CRYBA4: variants seen among roughly 807,000 people sequenced by gnomAD.
CRYBA4 encodes the protein crystallin beta A4.
Under a neutral mutation model 31.7 loss-of-function variants are expected in CRYBA4, and 30 were observed. The observed-to-expected ratio is 0.95, with a 90% CI of 0.71 to 1.28. CRYBA4 has a LOEUF of 1.28. Ranked by LOEUF, CRYBA4 falls within the 50% of genes most tolerant of loss-of-function variation. The pLI, the probability that CRYBA4 is intolerant of heterozygous loss-of-function variation, is 0.00. For missense variants in CRYBA4, 225 were observed against 260.7 expected (o/e 0.86, Z 0.94); for synonymous variants, 102 against 102.3 (o/e 1.00, Z 0.02).
rs1602344631 is a variant in CRYBA4, at chr22:26,630,588, T to G, written c.*101T>G. 11 of 1,035,172 alleles carry G rather than the reference T, an allele frequency of 1.1e-5. No homozygotes were observed. The East Asian group carries it at 2.6e-4, about 24-fold the overall frequency. The allele number at this position is 1,035,172 out of a possible 1,614,324, so 64.1% of individuals were successfully genotyped here. A position where few individuals can be genotyped will look rare whatever the true frequency, so the allele number is the denominator to read the frequency against. ...TCCTTCTGCCTCCCCCTGTAACCTG[T>G]GTGAACCCAGCACCCATGTGAACTG... On this transcript the variant is annotated 3_prime_UTR_variant, in exon 6 of 6. Coordinates refer to ENST00000354760, the MANE Select transcript of CRYBA4 (RefSeq NM_001886.3).
At chr22:26,602,804 T>C in the CRYBA4 span, among the ~76,000 whole-genome samples, 16 of 152,068 alleles carry the variant, frequency 1.1e-4, no homozygotes, top group Middle Eastern at 3.4e-3. Flanking sequence ...ACGTGGAACA[T>C]TGGTGGAACA....
intron 5 of CRYBA4, among the ~76,000 whole-genome samples, chr22:26,629,734 C>CAAAAAAAAGAAA (rs1929862983): frequency 1.2e-5 from 1 of 80,600 alleles, no homozygotes; most frequent in Non-Finnish European, 2.6e-5. Context: ...GACTCTGTCT[C>CAAAAAAAAGAAA]AAAAAAAAAA....
At chr22:26,621,789 A>C (rs1929540640), upstream of CRYBA4, among the ~76,000 whole-genome samples, 1 of 152,038 alleles carries the variant, frequency 6.6e-6, no homozygotes, top group African/African-American at 2.4e-5. Flanking sequence ...GGGGGTGGTG[A>C]TCTGGTCCTT....
chr22:26,610,896 C>G, the CRYBA4 span, among the ~76,000 whole-genome samples: 2 of 152,258 alleles, frequency 1.3e-5, no homozygotes, highest in African/African-American at 2.4e-5. Context: ...AAGCTCATCT[C>G]GGAATGGGCT....
intron 4 of CRYBA4, 75 bp from the exon 5 acceptor site, chr22:26,628,213 G>T: frequency 6.2e-7 from 1 of 1,603,830 alleles, no homozygotes; most frequent in Non-Finnish European, 8.5e-7. Flanking sequence ...AGGGCAGGGA[G>T]TGTGGAGGCC....
chr22:26,616,807 T>G, the CRYBA4 span, among the ~76,000 whole-genome samples: 1 of 152,178 alleles, frequency 6.6e-6, no homozygotes, highest in Non-Finnish European at 1.5e-5. Context: ...TGATCCCCTC[T>G]GAGCAGCAGG....
At chr22:26,602,041 G>A in the CRYBA4 span, 13 of 1,612,804 alleles carry the variant, frequency 8.1e-6, no homozygotes, top group Non-Finnish European at 1.0e-5. Context: ...GAGAGGCCGG[G>A]TCAGGTGTGT....
the CRYBA4 span, chr22:26,599,562 C>T: frequency 6.2e-7 from 1 of 1,614,106 alleles, no homozygotes; most frequent in Non-Finnish European, 8.5e-7. Context: ...GCAGGCGACG[C>T]AGGGACTGCA....
At chr22:26,629,478 A>G (rs531505468) in intron 5 of CRYBA4, among the ~76,000 whole-genome samples, 77 of 152,156 alleles carry the variant, frequency 5.1e-4, no homozygotes, top group African/African-American at 1.8e-3. Flanking sequence ...ACGGTGGCTC[A>G]CGCCTGTAAT....
chr22:26,629,532 AG>A (rs1223699221), intron 5 of CRYBA4, among the ~76,000 whole-genome samples: 1 of 152,008 alleles, frequency 6.6e-6, no homozygotes, highest in Admixed American at 6.5e-5. Context: ...ACCTGAGGTC[AG>A]GAGTTCGAGA....
chr22:26,602,429 AT>A, the CRYBA4 span, among the ~76,000 whole-genome samples: 2 of 149,846 alleles, frequency 1.3e-5, no homozygotes, highest in Non-Finnish European at 3.0e-5. Flanking sequence ...CAAAAAAATA[AT>A]TTTTTTTTTA....
At chr22:26,618,093 CA>C (rs1399015360), upstream of CRYBA4, 1 of 153,162 alleles carries the variant, frequency 6.5e-6, no homozygotes, top group African/African-American at 2.4e-5. Context: ...GTCTGTGGCA[CA>C]AAGGGGAAGC....
In CRYBA4 at chr22:26,628,430, C is replaced by A. The variant is rs765296550; in HGVS notation, c.443C>A (p.Ala148Asp). 3.7e-6 allele frequency: 6 copies of A among 1,613,962 alleles called. 1 individual carries two copies. In the South Asian group the frequency reaches 5.5e-5, roughly 15 times the overall value. The change falls in exon 5 of 6, where the codon GCC (alanine) becomes GAC (aspartate). Residue 148 changes from alanine (A) to aspartate (D), a missense_variant and splice_region_variant. Ala to Asp is a moderately radical substitution (Grantham distance 126, BLOSUM62 -2). Transcript: ENST00000354760. ...GGGTCCTTCCACGTCCACTCTGGGG[C>A]GTAAGTGTATTCAAGGCTCTACCTG... The part of the protein sequence containing the change: ...EVGSFHVHSG[A>D]WVCSQFPGYR...
At chr22:26,599,866 T>C in the CRYBA4 span, among the ~76,000 whole-genome samples, 7 of 152,334 alleles carry the variant, frequency 4.6e-5, no homozygotes, top group Admixed American at 1.3e-4. Flanking sequence ...TCGGTTTCCT[T>C]TTCTAGGAAG....
the CRYBA4 span, chr22:26,612,143 G>A: frequency 6.2e-7 from 1 of 1,614,008 alleles, no homozygotes; most frequent in Non-Finnish European, 8.5e-7. Context: ...ACTCCCCCGA[G>A]AATTCTGCTC....
chr22:26,621,320 G>A (rs1054375618), upstream of CRYBA4, among the ~76,000 whole-genome samples: 1 of 152,200 alleles, frequency 6.6e-6, no homozygotes, highest in Non-Finnish European at 1.5e-5. Flanking sequence ...GGTCCCCTGA[G>A]CTCCAGGCCA....
chr22:26,622,543 G>A, intron 1 of CRYBA4, 42 bp from the exon 2 acceptor site: 3 of 1,565,826 alleles, frequency 1.9e-6, no homozygotes, highest in African/African-American at 1.4e-5. Flanking sequence ...GAGGAGAGCA[G>A]AGGGTCAGGG....
At chr22:26,616,060 G>GAGGAGGAGGAGAAGA in the CRYBA4 span, 1 of 1,097,600 alleles carries the variant, frequency 9.1e-7, no homozygotes, top group Non-Finnish European at 1.4e-6. Context: ...GAAAGAGGAA[G>GAGGAGGAGGAGAAGA]AGGAGGAGGA....
At chr22:26,628,196 G>C (rs932191661) in intron 4 of CRYBA4, 92 bp from the exon 5 acceptor site, 1 of 1,581,586 alleles carries the variant, frequency 6.3e-7, no homozygotes, top group Non-Finnish European at 8.7e-7. Context: ...GGCTGATTTG[G>C]GAGACAAGGG....
Sources: allele counts gnomAD v4.1 joint callset (sites outside exome capture counted in the v4.1 genomes callset), GRCh38; gene constraint gnomAD v4.1.1; transcripts MANE v1.5; gene names NCBI Gene and HGNC (gene_info 2026-07-23, HGNC 2026-07-21).